Variants in IL34 observed in about 807,000 individuals in gnomAD.
The protein encoded by IL34 is interleukin 34.
In IL34, 17 loss-of-function variants were observed where a neutral mutation model predicts 25.3. The ratio of observed to expected loss-of-function variants is 0.67; its 90% confidence interval spans 0.46 to 1.01. The LOEUF is 1.01. IL34 is among the 50% of genes least tolerant of loss of function. IL34 has a pLI of 0.00. For missense variants in IL34, 368 were observed against 312.9 expected, an observed-to-expected ratio of 1.18 and a Z score of -1.33; for synonymous variants, 174 against 140.9, an observed-to-expected ratio of 1.23 and a Z score of -1.66.
At chr16:70,584,609 GC>G (rs1746988102) in intron 1 of IL34, among the ~76,000 whole-genome samples, 1 of 152,026 alleles carries the variant, frequency 6.6e-6, no homozygotes, top group South Asian at 2.1e-4. Flanking sequence ...CTGCCCTTTG[GC>G]TTTGTCACCC....
intron 1 of IL34, among the ~76,000 whole-genome samples, chr16:70,625,553 G>C (rs1275889845): frequency 6.6e-6 from 1 of 152,122 alleles, no homozygotes; most frequent in Non-Finnish European, 1.5e-5. Context: ...CAGAAAAGCG[G>C]GACTTGCTGC....
chr16:70,656,758 A>C, intron 3 of IL34, 79 bp downstream of exon 3: 1 of 955,412 alleles, frequency 1.0e-6, no homozygotes, highest in South Asian at 1.3e-5. Flanking sequence ...GCGCGCTGGG[A>C]CTGGCAGGTG....
intron 1 of IL34, among the ~76,000 whole-genome samples, chr16:70,580,418 C>T (rs1251254924): frequency 1.3e-5 from 2 of 152,212 alleles, no homozygotes; most frequent in Non-Finnish European, 2.9e-5. Context: ...CTATATATTG[C>T]CGTAGGTCTT....
chr16:70,591,493 CAGG>C (rs1465509364), intron 1 of IL34, among the ~76,000 whole-genome samples: 1 of 151,578 alleles, frequency 6.6e-6, no homozygotes, highest in African/African-American at 2.4e-5. Context: ...CGCATGAACC[CAGG>C]AGGTCGAGGC....
At chr16:70,598,219 C>CCTAA (rs2050853549) in intron 1 of IL34, among the ~76,000 whole-genome samples, 2 of 152,158 alleles carry the variant, frequency 1.3e-5, no homozygotes, top group Non-Finnish European at 2.9e-5. Context: ...CCCCCCAGAA[C>CCTAA]TTCCTGCCAG....
At chr16:70,610,811 G>A (rs1567443594) in intron 1 of IL34, among the ~76,000 whole-genome samples, 1 of 152,198 alleles carries the variant, frequency 6.6e-6, no homozygotes. Flanking sequence ...AAGCTAGGGT[G>A]AGGAGGAAGG....
chr16:70,644,586 A>G (rs972731171), upstream of IL34, among the ~76,000 whole-genome samples: 4 of 152,016 alleles, frequency 2.6e-5, no homozygotes, highest in African/African-American at 9.7e-5. Context: ...TAGTATATGT[A>G]AATTAGCCCT....
At chr16:70,651,208 G>T (rs1356617302) in intron 1 of IL34, among the ~76,000 whole-genome samples, 1 of 152,084 alleles carries the variant, frequency 6.6e-6, no homozygotes, top group East Asian at 1.9e-4. Flanking sequence ...TCTCTGGGAG[G>T]CTTTGAAAGA....
chr16:70,654,714 G>T, intron 2 of IL34, 43 bp downstream of exon 2: 1 of 1,562,956 alleles, frequency 6.4e-7, no homozygotes, highest in Non-Finnish European at 8.7e-7. Flanking sequence ...CCCGCGTCCC[G>T]GGGTTCACCT....
intron 1 of IL34, among the ~76,000 whole-genome samples, chr16:70,586,068 G>A (rs1357862957): frequency 5.3e-5 from 8 of 151,976 alleles, no homozygotes; most frequent in Non-Finnish European, 8.8e-5. Flanking sequence ...TCCTGACTTC[G>A]TGATCTGCCT....
chr16:70,635,312 G>A (rs944252074), intron 1 of IL34, among the ~76,000 whole-genome samples: 1 of 152,230 alleles, frequency 6.6e-6, no homozygotes, highest in African/African-American at 2.4e-5. Context: ...CCTCTGCAGA[G>A]GTTTCCATCA....
intron 1 of IL34, among the ~76,000 whole-genome samples, chr16:70,585,091 A>C (rs1468890238): frequency 6.6e-6 from 1 of 152,050 alleles, no homozygotes; most frequent in Non-Finnish European, 1.5e-5. Context: ...CTCTCTATTA[A>C]ATGACTCCCC....
In IL34 at chr16:70,656,615, C is replaced by A; in HGVS notation, c.176C>A (p.Pro59His). Residue 59 changes from proline to histidine, a missense_variant, in exon 3 of 6, where the codon CCC becomes CAC. Physicochemically the swap from Pro to His is moderately conservative, Grantham distance 77. Coordinates refer to ENST00000288098, the MANE Select transcript of IL34 (RefSeq NM_001393494.1). ...SRLQYMKHYF[P>H]INYKISVPYE... ...GTGCCTCTCCAGAAACACTACTTCC[C>A]CATCAACTACAAGATCAGTGTGCCT... is the stretch of plus-strand genomic sequence containing the variant. 2 of 1,380,280 alleles carry A rather than the reference C, an allele frequency of 1.4e-6. No individual in the cohort carries two copies. Among genetic ancestry groups the A allele is most frequent in the Non-Finnish European group, 2.1e-6 (2 of 966,268 alleles). 85.5% of individuals were successfully genotyped at this position (1,380,280 alleles called of 1,614,324 possible). A position where few individuals can be genotyped will look rare whatever the true frequency, so the allele number is the denominator to read the frequency against.
intron 1 of IL34, among the ~76,000 whole-genome samples, chr16:70,611,313 G>C (rs74024409): frequency 0.015 from 2,259 of 152,224 alleles, 62 homozygotes; most frequent in African/African-American, 0.052. Flanking sequence ...CCACTTCCTA[G>C]TTGCTGTGAA....
At chr16:70,598,605 G>A (rs1170802564) in intron 1 of IL34, among the ~76,000 whole-genome samples, 1 of 152,104 alleles carries the variant, frequency 6.6e-6, no homozygotes, top group Non-Finnish European at 1.5e-5. Context: ...CAGGCATGGT[G>A]GCGCATACCT....
chr16:70,608,154 A>T (rs1229746039), intron 1 of IL34, among the ~76,000 whole-genome samples: 2 of 124,828 alleles, frequency 1.6e-5, no homozygotes, highest in Admixed American at 9.1e-5. Context: ...TTTGAGATAG[A>T]GTCTTGCTCT....
chr16:70,649,235 G>A (rs1431718888), intron 1 of IL34, among the ~76,000 whole-genome samples: 1 of 152,210 alleles, frequency 6.6e-6, no homozygotes, highest in South Asian at 2.1e-4. Context: ...GCAGAGCAGG[G>A]CTGTGCCAGA....
At chr16:70,643,186 C>T (rs1287688390), upstream of IL34, among the ~76,000 whole-genome samples, 1 of 152,082 alleles carries the variant, frequency 6.6e-6, no homozygotes, top group Non-Finnish European at 1.5e-5. Flanking sequence ...CCTCAGCCTC[C>T]TGAGTAGCTG....
At chr16:70,627,070 C>T (rs912580717) in intron 1 of IL34, among the ~76,000 whole-genome samples, 1 of 150,660 alleles carries the variant, frequency 6.6e-6, no homozygotes, top group African/African-American at 2.4e-5. Flanking sequence ...TCAGGGGATC[C>T]TTCCACCTCA....
Sources: gnomAD v4.1 joint callset for allele counts (sites outside exome capture counted in the v4.1 genomes callset) on GRCh38, gnomAD v4.1.1 for gene constraint, MANE v1.5 for transcripts, NCBI Gene and HGNC (gene_info 2026-07-23, HGNC 2026-07-21) for gene names.